The following GSKIP variants were observed in gnomAD, a reference collection of about 807,000 sequenced individuals.
GSKIP encodes the protein GSK3B-interacting protein.
In GSKIP, 5 loss-of-function variants were observed where a neutral mutation model predicts 11.9. That is an observed-to-expected ratio of 0.42 (90% CI 0.22 to 0.89). The LOEUF (loss-of-function observed/expected upper bound fraction) is 0.89, where lower values mean the gene tolerates loss of function less well. Among genes scored for constraint, GSKIP ranks in the 40% least tolerant of loss-of-function variants. GSKIP has a pLI of 0.29. For missense variants in GSKIP, 150 were observed against 166.6 expected, an observed-to-expected ratio of 0.90 and a Z score of 0.55; for synonymous variants, 70 against 62.9, an observed-to-expected ratio of 1.11 and a Z score of -0.54.
chr14:96,381,745 A>G (rs1360201196), intron 2 of GSKIP, among the ~76,000 whole-genome samples: 1 of 152,238 alleles, frequency 6.6e-6, no homozygotes, highest in African/African-American at 2.4e-5. Context: ...AAAGAATTGG[A>G]AAGAGGTGAA....
intron 1 of GSKIP, among the ~76,000 whole-genome samples, chr14:96,377,774 G>T (rs1183761646): frequency 6.6e-6 from 1 of 152,180 alleles, no homozygotes; most frequent in African/African-American, 2.4e-5. Context: ...AACTCCTTGA[G>T]AGAGCATCTG....
At chr14:96,370,952 A>C (rs1348807527) in intron 1 of GSKIP, among the ~76,000 whole-genome samples, 2 of 152,204 alleles carry the variant, frequency 1.3e-5, no homozygotes, top group Non-Finnish European at 2.9e-5. Context: ...GTGCAGAATA[A>C]TTTTATAAAC....
chr14:96,367,021 C>T (rs1888905895), intron 1 of GSKIP, among the ~76,000 whole-genome samples: 1 of 152,216 alleles, frequency 6.6e-6, no homozygotes, highest in South Asian at 2.1e-4. Context: ...CAGCAGCAGC[C>T]AATCCCCCAC....
At chr14:96,382,170 CTAATTT>C in intron 2 of GSKIP, 71 bp from the exon 3 acceptor site, 1 of 993,246 alleles carries the variant, frequency 1.0e-6, no homozygotes. Context: ...TAAGGCATAG[CTAATTT>C]TAATCAAATG....
At chr14:96,371,280 GAAT>G (rs780784011) in intron 1 of GSKIP, among the ~76,000 whole-genome samples, 23 of 152,086 alleles carry the variant, frequency 1.5e-4, no homozygotes, top group Non-Finnish European at 2.6e-4. Flanking sequence ...TTAAGTGTCT[GAAT>G]AATAACCTGA....
intron 1 of GSKIP, among the ~76,000 whole-genome samples, chr14:96,368,754 C>T (rs184322185): frequency 6.6e-6 from 1 of 152,226 alleles, no homozygotes; most frequent in East Asian, 1.9e-4. Flanking sequence ...CACTTCCCCT[C>T]CCTCCCTCCT....
intron 1 of GSKIP, among the ~76,000 whole-genome samples, chr14:96,378,057 C>G (rs1889249278): frequency 6.6e-6 from 1 of 152,148 alleles, no homozygotes; most frequent in Admixed American, 6.5e-5. Flanking sequence ...CAAATGTGTT[C>G]ACTGAAAATA....
chr14:96,377,568 TGTG>T (rs1347908650), intron 1 of GSKIP, among the ~76,000 whole-genome samples: 1 of 152,218 alleles, frequency 6.6e-6, no homozygotes, highest in East Asian at 1.9e-4. Flanking sequence ...ATATTTTAAT[TGTG>T]GTAGAATATT....
At chr14:96,378,398 A>T (rs1279693021) in intron 1 of GSKIP, among the ~76,000 whole-genome samples, 1 of 152,190 alleles carries the variant, frequency 6.6e-6, no homozygotes, top group African/African-American at 2.4e-5. Flanking sequence ...TTATTATGTT[A>T]AAGATTGAGG....
intron 1 of GSKIP, among the ~76,000 whole-genome samples, chr14:96,371,464 A>G (rs1402603805): frequency 1.5e-5 from 1 of 65,222 alleles, no homozygotes; most frequent in African/African-American, 7.3e-5. Flanking sequence ...TTTTTTTTTG[A>G]GACAGAGTCT....
At chr14:96,373,492 G>A (rs1481538621) in intron 1 of GSKIP, among the ~76,000 whole-genome samples, 2 of 151,794 alleles carry the variant, frequency 1.3e-5, no homozygotes, top group African/African-American at 4.8e-5. Flanking sequence ...AAAGGAAAAT[G>A]TCTTACTGAT....
At position 96,385,590 on chromosome 14, in the gene GSKIP, C is replaced by A; in HGVS notation, c.326C>A (p.Ser109Tyr). The A allele has an allele frequency of 6.2e-7, 1 of 1,613,054 alleles. No homozygotes were observed. Among genetic ancestry groups the A allele is most frequent in the Non-Finnish European group, 8.5e-7 (1 of 1,179,264 alleles). Reference protein sequence around the residue: ...LQTPYHETVYSLLDTLSPAYR... With the variant: ...LQTPYHETVYYLLDTLSPAYR... ...ACTCCCTACCATGAAACAGTCTACT[C>A]CTTGTTGGATACACTCAGCCCCGCC... The change falls in exon 4 of 4, where the codon TCC (serine) becomes TAC (tyrosine). Residue 109 changes from serine to tyrosine, a missense_variant. Coordinates refer to ENST00000555181, the MANE Select transcript of GSKIP (RefSeq NM_016472.5).
chr14:96,365,991 T>G (rs1454407658), intron 1 of GSKIP, among the ~76,000 whole-genome samples: 1 of 151,918 alleles, frequency 6.6e-6, no homozygotes, highest in Non-Finnish European at 1.5e-5. Flanking sequence ...GCAGAACCAG[T>G]TAGAAGGATA....
chr14:96,365,759 G>C (rs1046028544), intron 1 of GSKIP, among the ~76,000 whole-genome samples: 2 of 151,912 alleles, frequency 1.3e-5, no homozygotes, highest in African/African-American at 4.8e-5. Context: ...GCTTGAACCC[G>C]AGAGGCGGAG....
chr14:96,366,326 C>T (rs573045072), intron 1 of GSKIP, among the ~76,000 whole-genome samples: 14 of 152,152 alleles, frequency 9.2e-5, no homozygotes, highest in Middle Eastern at 3.2e-3. Context: ...CCATAGAGTG[C>T]CTGCAATTTC....
intron 1 of GSKIP, among the ~76,000 whole-genome samples, chr14:96,369,166 G>A (rs1421806594): frequency 1.3e-5 from 2 of 152,202 alleles, no homozygotes; most frequent in Admixed American, 1.3e-4. Flanking sequence ...CCCAACTTGA[G>A]TGATGACCTA....
intron 3 of GSKIP, among the ~76,000 whole-genome samples, chr14:96,382,902 T>G (rs2139944184): frequency 6.6e-6 from 1 of 152,290 alleles, no homozygotes; most frequent in Non-Finnish European, 1.5e-5. Context: ...ATAACATACT[T>G]GACAACACTG....
rs774865563 is a variant in GSKIP, at chr14:96,382,316, C to T, written c.69C>T (p.Asn23=). The T allele has an allele frequency of 1.5e-5, 24 of 1,612,028 alleles. No individual in the cohort carries two copies. Among genetic ancestry groups the T allele is most frequent in the Middle Eastern group, 1.6e-4 (1 of 6,078 alleles). The change falls in exon 3 of 4, where the codon AAC becomes AAT. Residue 23 remains asparagine, a synonymous_variant. Transcript: ENST00000555181. ...GATTTGAAGAAGGTTCAGAGCTGAA[C>T]GGTTTTGAAGGAACTGACATGAAAG... The part of the protein sequence containing the change: ...MSGFEEGSEL[N]GFEGTDMKDM...
Position 96,382,320 on chromosome 14 carries a change from T to C in GSKIP, c.73T>C (p.Phe25Leu). ...GFEEGSELNG[F>L]EGTDMKDMRL... Reference sequence around the variant, plus strand: ...TGAAGAAGGTTCAGAGCTGAACGGTTTTGAAGGAACTGACATGAAAGACAT... The same window carrying C: ...TGAAGAAGGTTCAGAGCTGAACGGTCTTGAAGGAACTGACATGAAAGACAT... The change falls in exon 3 of 4, where the codon TTT (phenylalanine) becomes CTT (leucine). Residue 25 changes from phenylalanine (F) to leucine (L), a missense_variant. By Grantham distance (22) the Phe-to-Leu change is conservative (BLOSUM62 0). Coordinates refer to ENST00000555181, the MANE Select transcript of GSKIP (RefSeq NM_016472.5). 6.2e-7 allele frequency: 1 copy of C among 1,613,792 alleles called. No individual in the cohort carries two copies. The highest frequency in any genetic ancestry group is 8.5e-7 in the Non-Finnish European group (1 of 1,179,738).
Sources: gnomAD v4.1 joint callset for allele counts (sites outside exome capture counted in the v4.1 genomes callset) on GRCh38, gnomAD v4.1.1 for gene constraint, MANE v1.5 for transcripts, NCBI Gene and HGNC (gene_info 2026-07-23, HGNC 2026-07-21) for gene names.